The following KCTD2 variants were observed in gnomAD, a reference collection of about 807,000 sequenced individuals.
KCTD2 encodes BTB/POZ domain-containing protein KCTD2.
A neutral mutation model predicts 27.9 loss-of-function variants in KCTD2; 18 were observed. That is an observed-to-expected ratio of 0.64 (90% CI 0.45 to 0.96). The LOEUF is 0.96. Among genes scored for constraint, KCTD2 ranks in the 40% least tolerant of loss-of-function variants. The probability of loss-of-function intolerance (pLI) is 0.00; values close to 1 mark genes in which losing one functional copy is unlikely to be tolerated. For missense variants in KCTD2, 280 were observed against 348.0 expected (o/e 0.80, Z 1.56); for synonymous variants, 175 against 148.4 (o/e 1.18, Z -1.30).
chr17:75,052,723 C>T (rs928006310), intron 2 of KCTD2, among the ~76,000 whole-genome samples: 1 of 151,858 alleles, frequency 6.6e-6, no homozygotes, highest in Non-Finnish European at 1.5e-5. Flanking sequence ...AACTCTGTTT[C>T]GGGCGGGGGG....
At chr17:75,050,752 A>G (rs2073275752) in intron 2 of KCTD2, among the ~76,000 whole-genome samples, 1 of 152,200 alleles carries the variant, frequency 6.6e-6, no homozygotes. Context: ...AATAAGCAAG[A>G]AAAGAGCAAG....
chr17:75,041,252 G>C (rs993885724), intron 3 of KCTD2: 4 of 151,694 alleles, frequency 2.6e-5, no homozygotes, highest in African/African-American at 9.7e-5. Flanking sequence ...TTACTCGGGG[G>C]GATGAGGTGG....
At chr17:75,049,163 C>G (rs2073259743) in intron 1 of KCTD2, 57 bp from the exon 2 acceptor site, 13 of 1,046,362 alleles carry the variant, frequency 1.2e-5, no homozygotes, top group Non-Finnish European at 2.9e-6. Flanking sequence ...CCTGCCCTGC[C>G]TTTGTTTAAA....
At chr17:75,046,444 C>T (rs180905543), upstream of KCTD2, among the ~76,000 whole-genome samples, 1 of 152,326 alleles carries the variant, frequency 6.6e-6, no homozygotes, top group Admixed American at 6.5e-5. Flanking sequence ...AGATCATGCG[C>T]ATAGGAGGTG....
intron 3 of KCTD2, chr17:75,042,078 C>A: frequency 9.7e-7 from 1 of 1,030,116 alleles, no homozygotes. Flanking sequence ...CCTAAGCTTC[C>A]TTAGGGATCT....
intron 3 of KCTD2, among the ~76,000 whole-genome samples, chr17:75,038,463 C>T (rs2073125664): frequency 6.6e-6 from 1 of 152,200 alleles, no homozygotes; most frequent in South Asian, 2.1e-4. Context: ...TTTTCTAATA[C>T]CACTTTTGTG....
chr17:75,045,582 GC>G (rs2073206381), upstream of KCTD2, among the ~76,000 whole-genome samples: 8 of 152,338 alleles, frequency 5.3e-5, no homozygotes, highest in South Asian at 1.7e-3. Context: ...AAAGAATTCA[GC>G]GATATTTCTC....
At chr17:75,058,048 G>T (rs573913461) in intron 3 of KCTD2, among the ~76,000 whole-genome samples, 1 of 151,546 alleles carries the variant, frequency 6.6e-6, no homozygotes, top group South Asian at 2.1e-4. Flanking sequence ...AATTGGCTGG[G>T]CACAGTGGCT....
rs2073437077 is a variant in KCTD2 at position 75,064,502 on chromosome 17, C to T, written c.*1455C>T. 6.6e-6 allele frequency: 1 copy of T among 152,268 alleles called. No individual in the cohort carries two copies. Among genetic ancestry groups the T allele is most frequent in the Non-Finnish European group, 1.5e-5 (1 of 68,080 alleles). 9.4% of individuals were successfully genotyped at this position (152,268 alleles called of 1,614,324 possible). A position where few individuals can be genotyped will look rare whatever the true frequency, so the allele number is the denominator to read the frequency against. On this transcript the variant is annotated 3_prime_UTR_variant, in exon 6 of 6. Transcript: ENST00000322444. ...CCAAGGTACGTCTGGGTAGTAGTTTCTGGAAATGACTGCAGACTGTGCCAA... is the reference window on the plus strand; with the variant it reads ...CCAAGGTACGTCTGGGTAGTAGTTTTTGGAAATGACTGCAGACTGTGCCAA...
chr17:75,053,165 G>A (rs2073309155), intron 3 of KCTD2, 60 bp downstream of exon 3: 2 of 1,360,364 alleles, frequency 1.5e-6, no homozygotes, highest in Non-Finnish European at 1.0e-6. Context: ...CGGTCGGTCT[G>A]TGATTTGAAA....
intron 3 of KCTD2, among the ~76,000 whole-genome samples, chr17:75,036,671 C>T (rs950998855): frequency 6.6e-6 from 1 of 152,228 alleles, no homozygotes; most frequent in African/African-American, 2.4e-5. Flanking sequence ...AGCGCGAGCT[C>T]TAACTATGCT....
upstream of KCTD2, among the ~76,000 whole-genome samples, chr17:75,044,299 G>A (rs1286416862): frequency 8.9e-6 from 1 of 112,168 alleles, no homozygotes; most frequent in Non-Finnish European, 1.6e-5. Flanking sequence ...TCCGCTTCCC[G>A]GGTTCACGCC....
intron 1 of KCTD2, chr17:75,033,916 C>A (rs1321043886): frequency 6.6e-6 from 1 of 152,280 alleles, no homozygotes; most frequent in Non-Finnish European, 1.5e-5. Context: ...GCCCCAGTGG[C>A]CTAATGGATA....
intron 2 of KCTD2, among the ~76,000 whole-genome samples, chr17:75,050,608 G>A (rs2073274405): frequency 6.6e-6 from 1 of 152,074 alleles, no homozygotes; most frequent in African/African-American, 2.4e-5. Flanking sequence ...AGCACATCAT[G>A]GAGAATGGGG....
At chr17:75,061,307 C>T (rs751846836) in intron 4 of KCTD2, among the ~76,000 whole-genome samples, 19 of 152,136 alleles carry the variant, frequency 1.2e-4, no homozygotes, top group Non-Finnish European at 2.8e-4. Flanking sequence ...GTGTGTATTT[C>T]CTCTTTAGAA....
intron 1 of KCTD2, among the ~76,000 whole-genome samples, chr17:75,033,273 G>T (rs780728997): frequency 6.0e-4 from 91 of 152,000 alleles, no homozygotes; most frequent in Non-Finnish European, 7.1e-4. Flanking sequence ...CACCGCACCC[G>T]GTCTGTAGCC....
chr17:75,053,858 CTTTTTTTTTTTTTTTT>C (rs71159419), intron 3 of KCTD2, among the ~76,000 whole-genome samples: 1 of 59,328 alleles, frequency 1.7e-5, no homozygotes, highest in Non-Finnish European at 2.8e-5. Flanking sequence ...GTGAACCATG[CTTTTTTTTTTTTTTTT>C]TTTTTTTTTT....
At chr17:75,033,935 G>A (rs543206341) in intron 1 of KCTD2, 2 of 152,410 alleles carry the variant, frequency 1.3e-5, no homozygotes, top group African/African-American at 2.4e-5. Flanking sequence ...TAAGGCACTG[G>A]CCTCCTAAGC....
chr17:75,042,578 T>G, upstream of KCTD2: 1 of 1,613,040 alleles, frequency 6.2e-7, no homozygotes, highest in Non-Finnish European at 8.5e-7. Flanking sequence ...GCAATGGCCT[T>G]TTGGTTCTGG....
Sources: gnomAD v4.1 joint callset for allele counts (sites outside exome capture counted in the v4.1 genomes callset) on GRCh38, gnomAD v4.1.1 for gene constraint, MANE v1.5 for transcripts, NCBI Gene and HGNC (gene_info 2026-07-23, HGNC 2026-07-21) for gene names.